Variants in TEC observed in about 807,000 individuals in gnomAD.
The protein encoded by TEC is tec protein tyrosine kinase.
TEC carries 72 observed loss-of-function variants against 93.0 expected under a neutral mutation model. The observed-to-expected ratio is 0.77, with a 90% confidence interval of 0.64 to 0.94. TEC has a LOEUF of 0.94. Among genes scored for constraint, TEC ranks in the 40% least tolerant of loss-of-function variants. TEC has a pLI of 0.00. For missense variants in TEC, 630 were observed against 757.9 expected, an observed-to-expected ratio of 0.83 and a Z score of 1.98; for synonymous variants, 249 against 247.7, an observed-to-expected ratio of 1.01 and a Z score of -0.05.
intron 1 of TEC, among the ~76,000 whole-genome samples, chr4:48,243,006 T>C: frequency 6.6e-6 from 1 of 152,174 alleles, no homozygotes; most frequent in East Asian, 1.9e-4. Flanking sequence ...CTATGTAGCT[T>C]GATCTAGAAA....
chr4:48,201,980 A>G (rs57994735), intron 2 of TEC, among the ~76,000 whole-genome samples: 11,282 of 135,040 alleles, frequency 0.084, 585 homozygotes, highest in East Asian at 0.19. Context: ...TTTTTGAGAC[A>G]GAGTCTCGCT....
chr4:48,181,688 G>T (rs28417961), intron 2 of TEC, among the ~76,000 whole-genome samples: 1 of 104,040 alleles, frequency 9.6e-6, no homozygotes. Flanking sequence ...AAAAAAAAAA[G>T]AAAAAAGAAA....
chr4:48,269,236 T>C (rs1411512576), intron 1 of TEC, among the ~76,000 whole-genome samples: 1 of 152,230 alleles, frequency 6.6e-6, no homozygotes, highest in Non-Finnish European at 1.5e-5. Flanking sequence ...GTGCACAACG[T>C]GCAGGTTTGT....
chr4:48,213,096 A>T (rs1722964876), intron 2 of TEC, among the ~76,000 whole-genome samples: 1 of 152,254 alleles, frequency 6.6e-6, no homozygotes, highest in Non-Finnish European at 1.5e-5. Flanking sequence ...TATCCATGTG[A>T]CTTTCGTAGT....
chr4:48,215,786 T>TA (rs1157055558), intron 2 of TEC, among the ~76,000 whole-genome samples: 2 of 152,162 alleles, frequency 1.3e-5, no homozygotes, highest in African/African-American at 4.8e-5. Flanking sequence ...TGTATAGAAT[T>TA]AGAGTCCTTA....
At chr4:48,168,535 T>C in intron 6 of TEC, 51 bp downstream of exon 6, 1 of 1,589,614 alleles carries the variant, frequency 6.3e-7, no homozygotes, top group Non-Finnish European at 8.6e-7. Context: ...AACTTAAGAC[T>C]TAAAGGCTTA....
chr4:48,177,872 G>A lies in TEC; in HGVS notation c.139-1686C>T, dbSNP rs143080698. Among the ~76,000 whole-genome samples, 18 of 151,928 alleles carry A rather than the reference G, an allele frequency of 1.2e-4. No homozygotes were observed. The East Asian group carries it at 2.1e-3, about 18-fold the overall frequency. On this transcript the variant is annotated intron_variant, in intron 2 of 17. Transcript: ENST00000381501. ...CTTTCCCTTTTACTCATTTCTGCTCGCTCTCTCTCTCTTGCCTGCCGCCAT... is the reference window on the plus strand; with the variant it reads ...CTTTCCCTTTTACTCATTTCTGCTCACTCTCTCTCTCTTGCCTGCCGCCAT...
At chr4:48,235,862 G>C (rs1723769081) in intron 1 of TEC, among the ~76,000 whole-genome samples, 1 of 152,154 alleles carries the variant, frequency 6.6e-6, no homozygotes. Context: ...ACAACCTTCT[G>C]AAGTATGTAC....
At chr4:48,137,564 T>A in intron 17 of TEC, 65 bp from the exon 18 acceptor site, 1 of 1,326,654 alleles carries the variant, frequency 7.5e-7, no homozygotes. Context: ...CTCTCACTGC[T>A]CCAACTCCTA....
Position 48,170,329 on chromosome 4 carries a change from A to C in TEC, c.373T>G (p.Trp125Gly). ...CAACACTGATAACTTCCATCTGTCC[A>C]GAATTTAGGATGATATTTAATCATA... ...NIMIKYHPKF[W>G]TDGSYQCCRQ... The change falls in exon 5 of 18, where the codon TGG becomes GGG. Residue 125 changes from tryptophan to glycine, a missense_variant. Physicochemically the swap from Trp to Gly is radical, Grantham distance 184 (BLOSUM62 -2). Around this residue, in one of 3 missense-constraint regions of TEC, gnomAD observed 335 missense variants for 351.5 expected, o/e 0.95. Coordinates refer to ENST00000381501, the MANE Select transcript of TEC (RefSeq NM_003215.3). 1 of 1,497,062 alleles carries C rather than the reference A, an allele frequency of 6.7e-7. No individual in the cohort carries two copies. Among genetic ancestry groups the C allele is most frequent in the Non-Finnish European group, 9.3e-7 (1 of 1,076,146 alleles). The allele number at this position is 1,497,062 out of a possible 1,614,324, so 92.7% of individuals were successfully genotyped here. A position where few individuals can be genotyped will look rare whatever the true frequency, so the allele number is the denominator to read the frequency against.
chr4:48,261,949 A>G (rs1319963730), intron 1 of TEC, among the ~76,000 whole-genome samples: 1 of 150,218 alleles, frequency 6.7e-6, no homozygotes, highest in African/African-American at 2.4e-5. Flanking sequence ...CATAAAAACT[A>G]AGATAATCAT....
At chr4:48,231,572 C>T (rs563239870) in intron 1 of TEC, among the ~76,000 whole-genome samples, 9 of 152,054 alleles carry the variant, frequency 5.9e-5, no homozygotes, top group Middle Eastern at 3.4e-3. Context: ...CTGGCTAACA[C>T]GGTGAAACCC....
In TEC at chr4:48,150,962, A is replaced by G. The variant is rs780240443; in HGVS notation, c.793-20T>C. 14 of 1,556,356 alleles carry G rather than the reference A, an allele frequency of 9.0e-6. No individual in the cohort carries two copies. The highest frequency in any genetic ancestry group is 1.2e-5 in the Non-Finnish European group (14 of 1,154,216). On this transcript the variant is annotated intron_variant, in intron 9 of 17. Coordinates refer to ENST00000381501, the MANE Select transcript of TEC (RefSeq NM_003215.3). ...TTTATCCTAAAATCCAAGTTCAGAA[A>G]AAATTTTTTTTACTCTAATTACTAA...
intron 2 of TEC, among the ~76,000 whole-genome samples, chr4:48,210,515 GGAT>G (rs1209026503): frequency 5.6e-5 from 8 of 143,646 alleles, no homozygotes; most frequent in Middle Eastern, 3.5e-3. Context: ...AGGAGGAGGA[GGAT>G]GATGAGGAGG....
In TEC at chr4:48,228,498, G is replaced by C; in HGVS notation, c.117C>G (p.Thr39=). The change falls in exon 2 of 18, where the codon ACC becomes ACG. Residue 39 remains threonine (T), a synonymous_variant. Transcript: ENST00000381501. ...TTACCTCTGCTCGACCCTCATAGTA[G>C]GTTAGCATGGACTTTGTAAGTACAA... The part of the protein sequence containing the change: ...RLFVLTKSML[T]YYEGRAEKKY... The C allele has an allele frequency of 6.2e-7, 1 of 1,610,696 alleles. No individual in the cohort carries two copies. The highest frequency in any genetic ancestry group is 2.2e-5 in the East Asian group (1 of 44,734).
At chr4:48,218,172 G>T (rs1358810378) in intron 2 of TEC, among the ~76,000 whole-genome samples, 2 of 152,086 alleles carry the variant, frequency 1.3e-5, no homozygotes, top group Non-Finnish European at 2.9e-5. Context: ...ACACAAAGAA[G>T]AAAGTTGATA....
chr4:48,156,178 G>A (rs193135580), intron 9 of TEC, among the ~76,000 whole-genome samples: 81 of 152,296 alleles, frequency 5.3e-4, no homozygotes, highest in South Asian at 1.9e-3. Flanking sequence ...AAGGTGTAGC[G>A]TGTAGGAAAA....
rs182709725 is a variant in TEC at position 48,245,964 on chromosome 4, C to A, written c.-45-17305G>T. 3.1e-3 allele frequency among the ~76,000 whole-genome samples: 474 copies of A among 152,084 alleles called. 5 individuals carry two copies. Among genetic ancestry groups the A allele is most frequent in the African/African-American group, 0.011 (457 of 41,472 alleles). ...ATCTCTATTAAAAATACAAAATTATCCTGGCATGGTGGCACACACCTGTAA... is the reference window on the plus strand; with the variant it reads ...ATCTCTATTAAAAATACAAAATTATACTGGCATGGTGGCACACACCTGTAA... On this transcript the variant is annotated intron_variant, in intron 1 of 17. Coordinates refer to ENST00000381501, the MANE Select transcript of TEC (RefSeq NM_003215.3).
At chr4:48,167,752 A>G (rs7689953) in intron 7 of TEC, 26 bp downstream of exon 7, 1,254,181 of 1,608,048 alleles carry the variant, frequency 0.78, 491,698 homozygotes, top group East Asian at 0.91. Flanking sequence ...CCCACTGCAT[A>G]TCACACACAT....
Sources: allele counts gnomAD v4.1 joint callset (sites outside exome capture counted in the v4.1 genomes callset), GRCh38; gene constraint gnomAD v4.1.1; regional missense constraint gnomAD v4.1.1; transcripts MANE v1.5; gene names NCBI Gene and HGNC (gene_info 2026-07-23, HGNC 2026-07-21).